Variants in AFMID observed in about 807,000 individuals in gnomAD.
The protein encoded by AFMID is kynurenine formamidase.
Under a neutral mutation model 47.5 loss-of-function variants are expected in AFMID, and 39 were observed. The ratio of observed to expected loss-of-function variants is 0.82; its 90% CI spans 0.64 to 1.07. The LOEUF (loss-of-function observed/expected upper bound fraction) is 1.07, where lower values mean the gene tolerates loss of function less well. AFMID is among the 50% of genes least tolerant of loss of function. The pLI is 0.00. For missense variants in AFMID, 375 were observed against 387.5 expected, an observed-to-expected ratio of 0.97 and a Z score of 0.27; for synonymous variants, 130 against 153.2, an observed-to-expected ratio of 0.85 and a Z score of 1.12.
intron 2 of AFMID, among the ~76,000 whole-genome samples, chr17:78,196,447 G>T (rs530676623): frequency 1.4e-5 from 2 of 147,282 alleles, no homozygotes; most frequent in South Asian, 4.3e-4. Context: ...GGAGGCCAGA[G>T]GGGGGCAGAT....
At chr17:78,204,168 C>T (rs1489038111) in intron 4 of AFMID, 1 of 167,044 alleles carries the variant, frequency 6.0e-6, no homozygotes, top group African/African-American at 2.4e-5. Context: ...AGAAGTTACA[C>T]AAATTGCCTT....
In AFMID at chr17:78,205,147, C is replaced by T. The variant is rs1406583778; in HGVS notation, c.522C>T (p.Leu174=). The T allele has an allele frequency of 6.2e-6, 10 of 1,613,088 alleles. No individual in the cohort carries two copies. Among genetic ancestry groups the T allele is most frequent in the South Asian group, 2.2e-5 (2 of 90,822 alleles). ...SAGAHLAAMM[L]LADWTKHGVT... ...GGGCCCACCTGGCTGCCATGATGCT[C>T]CTGGCCGACTGGACCAAGCATGGGG... Residue 174 remains leucine, a synonymous_variant, in exon 7 of 11, where the codon CTC becomes CTT. Transcript: ENST00000409257.
At chr17:78,199,054 C>T (rs1349477699) in intron 2 of AFMID, among the ~76,000 whole-genome samples, 4 of 152,198 alleles carry the variant, frequency 2.6e-5, no homozygotes, top group African/African-American at 9.6e-5. Context: ...GATAGCTTCT[C>T]GTCAGTACGT....
At chr17:78,205,294 C>T (rs1265247540) in intron 7 of AFMID, 104 bp downstream of exon 7, 26 of 1,418,272 alleles carry the variant, frequency 1.8e-5, no homozygotes, top group East Asian at 1.1e-4. Context: ...GTGGCTTGAC[C>T]GCAGGGCTTC....
At chr17:78,191,634 T>C (rs1053080278) in intron 2 of AFMID, among the ~76,000 whole-genome samples, 21 of 150,466 alleles carry the variant, frequency 1.4e-4, no homozygotes, top group African/African-American at 4.4e-4. Flanking sequence ...GATTACATCA[T>C]TGCATGCCAG....
chr17:78,195,312 A>T (rs2076083261), intron 2 of AFMID, among the ~76,000 whole-genome samples: 1 of 149,334 alleles, frequency 6.7e-6, no homozygotes, highest in Admixed American at 6.7e-5. Flanking sequence ...CTTGTGCCTC[A>T]GCTGCCCGAA....
chr17:78,204,503 G>GGA (rs780250201), intron 4 of AFMID, among the ~76,000 whole-genome samples, 153 bp from the exon 5 acceptor site: 13 of 152,186 alleles, frequency 8.5e-5, no homozygotes, highest in Non-Finnish European at 1.6e-4. Context: ...GATGTGGCAG[G>GGA]GAGAGAGCCT....
chr17:78,187,960 C>CAAA (rs34018698), intron 1 of AFMID, among the ~76,000 whole-genome samples: 4 of 56,670 alleles, frequency 7.1e-5, no homozygotes, highest in South Asian at 6.7e-4. Flanking sequence ...GACTTAGTCT[C>CAAA]AAAAAAAAAA....
chr17:78,200,046 T>G, intron 2 of AFMID, among the ~76,000 whole-genome samples: 1 of 135,306 alleles, frequency 7.4e-6, no homozygotes, highest in Middle Eastern at 3.6e-3. Flanking sequence ...CACAACGACA[T>G]AAAAAAAAAA....
intron 2 of AFMID, chr17:78,192,577 G>A (rs1475037189): frequency 2.1e-6 from 1 of 468,496 alleles, no homozygotes; most frequent in Non-Finnish European, 4.4e-6. Flanking sequence ...GCCTCCCAAA[G>A]TGCTGGGATT....
rs1393623100 is a variant in AFMID at position 78,205,533 on chromosome 17, C to G, written c.644+15C>G. On this transcript the variant is annotated intron_variant, in intron 8 of 10. Coordinates refer to ENST00000409257, the MANE Select transcript of AFMID (RefSeq NM_001010982.5). ...CAGCTGACCCTGTGAGTTACTTGGC[C>G]ACCACCTCCCCTGGCTCACCAGGAG... 3 of 1,614,168 alleles carry G rather than the reference C, an allele frequency of 1.9e-6. No individual in the cohort carries two copies. Among genetic ancestry groups the G allele is most frequent in the Non-Finnish European group, 2.5e-6 (3 of 1,180,012 alleles).
Position 78,202,619 on chromosome 17 carries a change from G to A in AFMID, c.259+16G>A, listed in dbSNP as rs1446840640. The A allele has an allele frequency of 3.7e-6, 6 of 1,611,824 alleles. No homozygotes were observed. In the African/African-American group the frequency reaches 8.0e-5, roughly 22 times the overall value. Reference sequence around the variant, plus strand: ...TCGTCTGAAGGTTGTCGGTGAAGGGGCTGGGGGTCCCGGGGCTTGGGGGTC... The same window carrying A: ...TCGTCTGAAGGTTGTCGGTGAAGGGACTGGGGGTCCCGGGGCTTGGGGGTC... On this transcript the variant is annotated intron_variant, in intron 3 of 10. Transcript: ENST00000409257.
At position 78,187,960 on chromosome 17, in the gene AFMID, CAAAAA is replaced by C. The variant is rs34018698; in HGVS notation, c.63+552_63+556del. Among the ~76,000 whole-genome samples the C allele has an allele frequency of 1.1e-3, 65 of 56,676 alleles. 1 individual carries two copies. Among genetic ancestry groups the C allele is most frequent in the African/African-American group, 4.2e-3 (54 of 12,936 alleles). 37.2% of individuals were successfully genotyped at this position (56,676 alleles called of 152,430 possible). A position where few individuals can be genotyped will look rare whatever the true frequency, so the allele number is the denominator to read the frequency against. ...TGGGCGATAGACCAAGACTTAGTCTCAAAAAAAAAAAAAAAAAAAAAAAAAAAAAT... is the reference window on the plus strand; with the variant it reads ...TGGGCGATAGACCAAGACTTAGTCTCAAAAAAAAAAAAAAAAAAAAAAAAT... On this transcript the variant is annotated intron_variant, in intron 1 of 10. Transcript: ENST00000409257.
In AFMID at chr17:78,194,925, C is replaced by A. The variant is rs946447747; in HGVS notation, c.154+3865C>A. The stretch of plus-strand genomic sequence containing the variant: ...GTCAGGCTGGTCTCAAACTCCCGAC[C>A]TCAGGTGATCCACCTGCCTCAGCCT... On this transcript the variant is annotated intron_variant, in intron 2 of 10. Transcript: ENST00000409257. Among the ~76,000 whole-genome samples the A allele has an allele frequency of 7.9e-5, 12 of 152,150 alleles. 3 individuals carry two copies. Among genetic ancestry groups the A allele is most frequent in the East Asian group, 1.9e-4 (1 of 5,148 alleles).
chr17:78,191,229 C>G (rs2075960114), intron 2 of AFMID, among the ~76,000 whole-genome samples, 169 bp downstream of exon 2: 2 of 152,130 alleles, frequency 1.3e-5, no homozygotes, highest in South Asian at 4.1e-4. Flanking sequence ...GTGCCCAGGA[C>G]CCCTTGCTGC....
In AFMID at chr17:78,191,009, C is replaced by T. The variant is rs754182478; in HGVS notation, c.103C>T (p.Arg35Ter). 1.8e-5 allele frequency: 29 copies of T among 1,613,862 alleles called. No individual in the cohort carries two copies. The highest frequency in any genetic ancestry group is 1.6e-4 in the Middle Eastern group (1 of 6,066). ...GTACTGTCCCAGCCGATGGGTTGTC[C>T]GACTGGGAGCAGAGGAAGCCTTGAG... ...NQYCPSRWVV[R>*]LGAEEALRTY... Residue 35 changes from arginine (R) to a stop codon, truncating the protein, a stop_gained, in exon 2 of 11, where the codon CGA becomes TGA. Transcript: ENST00000409257. LOFTEE classifies it high-confidence loss of function.
intron 2 of AFMID, among the ~76,000 whole-genome samples, chr17:78,193,754 G>C (rs1038867580): frequency 1.2e-4 from 18 of 152,036 alleles, no homozygotes; most frequent in African/African-American, 4.3e-4. Flanking sequence ...GAGGTGGGCA[G>C]ATCACAAGGT....
intron 10 of AFMID, among the ~76,000 whole-genome samples, chr17:78,206,636 CCTT>C (rs56013079): frequency 0.44 from 66,157 of 150,048 alleles, 15,099 homozygotes; most frequent in African/African-American, 0.54. Context: ...TCGTCGTCTT[CCTT>C]CTTCTTCTTC....
intron 2 of AFMID, among the ~76,000 whole-genome samples, chr17:78,193,048 G>A (rs766329878): frequency 9.2e-5 from 14 of 152,042 alleles, no homozygotes; most frequent in Non-Finnish European, 1.8e-4. Flanking sequence ...CTATTTGCTC[G>A]ATAAATACAT....
Sources: gnomAD v4.1 joint callset for allele counts (sites outside exome capture counted in the v4.1 genomes callset) on GRCh38, gnomAD v4.1.1 for gene constraint, MANE v1.5 for transcripts, NCBI Gene and HGNC (gene_info 2026-07-23, HGNC 2026-07-21) for gene names.